Variants in ARHGAP15 observed in about 807,000 individuals in gnomAD.
The protein encoded by ARHGAP15 is Rho GTPase activating protein 15, also known as rho GTPase-activating protein 15.
Under a neutral mutation model 63.7 loss-of-function variants are expected in ARHGAP15, and 51 were observed. The observed-to-expected ratio is 0.80, with a 90% CI of 0.64 to 1.01. ARHGAP15 has a LOEUF of 1.01. Ranked by LOEUF, ARHGAP15 falls within the 50% of genes least tolerant of loss-of-function variation. The probability of loss-of-function intolerance (pLI) is 0.00; values close to 1 mark genes in which losing one functional copy is unlikely to be tolerated. For missense variants in ARHGAP15, 560 were observed against 564.6 expected (o/e 0.99, Z 0.08); for synonymous variants, 191 against 193.8 (o/e 0.99, Z 0.12).
intron 2 of ARHGAP15, among the ~76,000 whole-genome samples, chr2:143,156,369 A>G (rs2105011691): frequency 6.6e-6 from 1 of 151,976 alleles, no homozygotes; most frequent in East Asian, 2.0e-4. Flanking sequence ...GGATGTTACA[A>G]AATTATTTAT....
At chr2:143,130,094 T>G (rs1361374470) in intron 1 of ARHGAP15, among the ~76,000 whole-genome samples, 1 of 152,150 alleles carries the variant, frequency 6.6e-6, no homozygotes, top group Non-Finnish European at 1.5e-5. Flanking sequence ...AGCAAACTTT[T>G]ATATTTAAAA....
At chr2:143,184,343 G>T (rs1382188069) in intron 2 of ARHGAP15, among the ~76,000 whole-genome samples, 1 of 152,138 alleles carries the variant, frequency 6.6e-6, no homozygotes, top group Non-Finnish European at 1.5e-5. Context: ...CATCTAGCTA[G>T]CTTACTTAGG....
intron 10 of ARHGAP15, among the ~76,000 whole-genome samples, chr2:143,555,173 C>T (rs1412677291): frequency 6.6e-6 from 1 of 152,118 alleles, no homozygotes; most frequent in Non-Finnish European, 1.5e-5. Context: ...TCTACCCTAA[C>T]CTTCCAATGC....
chr2:143,481,984 C>A (rs1053877717), intron 8 of ARHGAP15, among the ~76,000 whole-genome samples: 4 of 152,152 alleles, frequency 2.6e-5, no homozygotes, highest in African/African-American at 9.7e-5. Context: ...ATTGAAAATT[C>A]TCAGTCTTTG....
intron 12 of ARHGAP15, among the ~76,000 whole-genome samples, chr2:143,675,682 T>C (rs1682790381): frequency 6.6e-6 from 1 of 152,284 alleles, no homozygotes; most frequent in South Asian, 2.1e-4. Context: ...GGCTTCAACA[T>C]TCTGTAAACC....
At chr2:143,474,085 T>C (rs1019637210) in intron 8 of ARHGAP15, among the ~76,000 whole-genome samples, 13 of 152,118 alleles carry the variant, frequency 8.5e-5, no homozygotes, top group Non-Finnish European at 1.6e-4. Flanking sequence ...CTGAAACACA[T>C]GGAAATTATA....
chr2:143,432,209 G>A (rs578043463), intron 6 of ARHGAP15, among the ~76,000 whole-genome samples: 1 of 151,964 alleles, frequency 6.6e-6, no homozygotes, highest in Admixed American at 6.6e-5. Flanking sequence ...AAAAGGTTTT[G>A]TTTATATTCT....
chr2:143,494,917 A>G (rs1692750679), intron 9 of ARHGAP15, among the ~76,000 whole-genome samples: 1 of 152,202 alleles, frequency 6.6e-6, no homozygotes, highest in Non-Finnish European at 1.5e-5. Flanking sequence ...TCCATTTTAC[A>G]ATTAAGAAAA....
intron 12 of ARHGAP15, among the ~76,000 whole-genome samples, chr2:143,658,306 G>A (rs1681564582): frequency 6.6e-6 from 1 of 152,178 alleles, no homozygotes; most frequent in African/African-American, 2.4e-5. Context: ...ACATGTATAG[G>A]CAGTAATGGA....
chr2:143,196,295 G>C (rs533138993), intron 2 of ARHGAP15, among the ~76,000 whole-genome samples: 18 of 152,042 alleles, frequency 1.2e-4, no homozygotes, highest in African/African-American at 3.4e-4. Context: ...CAAGTCAGAA[G>C]AATTTTATAT....
chr2:143,190,106 C>T (rs1691621607), intron 2 of ARHGAP15, among the ~76,000 whole-genome samples: 2 of 152,110 alleles, frequency 1.3e-5, no homozygotes, highest in African/African-American at 4.8e-5. Context: ...GCACTTGAAA[C>T]AGTATATTGC....
chr2:143,142,746 C>G lies in ARHGAP15; in HGVS notation c.-14-12731C>G, dbSNP rs370329083. On this transcript the variant is annotated intron_variant, in intron 1 of 13. Transcript: ENST00000295095. ...GCTCACACACACACAAAAACACACA[C>G]AAGAACCCCACCAGTAAGTGCACAA... is the stretch of plus-strand genomic sequence containing the variant. 2.9e-4 allele frequency among the ~76,000 whole-genome samples: 44 copies of G among 152,154 alleles called. 1 individual carries two copies. The South Asian group carries it at 6.6e-3, about 23-fold the overall frequency.
At chr2:143,434,711 A>G (rs1689532960) in intron 6 of ARHGAP15, among the ~76,000 whole-genome samples, 1 of 152,144 alleles carries the variant, frequency 6.6e-6, no homozygotes, top group African/African-American at 2.4e-5. Flanking sequence ...AAAGTCAATA[A>G]TACAAAGGGA....
intron 6 of ARHGAP15, among the ~76,000 whole-genome samples, chr2:143,320,410 C>CGCCCCCCCCCCG (rs1285295545): frequency 2.4e-3 from 45 of 19,020 alleles, no homozygotes; most frequent in African/African-American, 4.9e-3. Flanking sequence ...ACTTCCCCAC[C>CGCCCCCCCCCCG]CCCCCCCCCC....
intron 6 of ARHGAP15, among the ~76,000 whole-genome samples, chr2:143,429,848 A>G (rs7574623): frequency 0.41 from 62,588 of 151,858 alleles, 13,430 homozygotes; most frequent in East Asian, 0.8. Context: ...AAAGTATAAA[A>G]CATTTTTCTG....
chr2:143,711,085 A>T (rs996863584), intron 13 of ARHGAP15, among the ~76,000 whole-genome samples: 3 of 152,114 alleles, frequency 2.0e-5, no homozygotes, highest in Non-Finnish European at 4.4e-5. Flanking sequence ...ACACACATCT[A>T]TTTGTTTATG....
chr2:143,328,129 T>C (rs1056358028), intron 6 of ARHGAP15, among the ~76,000 whole-genome samples: 1 of 152,184 alleles, frequency 6.6e-6, no homozygotes, highest in African/African-American at 2.4e-5. Flanking sequence ...AAAGGAACAC[T>C]TTTACACTAT....
At position 143,163,658 on chromosome 2, in the gene ARHGAP15, A is replaced by G. The variant is rs77388831; in HGVS notation, c.165+8003A>G. On this transcript the variant is annotated intron_variant, in intron 2 of 13. Transcript: ENST00000295095. ...GACAGAATAAATAAGAGATCATTCTATTGCCAAGAATGTGGCAGAAAATAT... is the reference window on the plus strand; with the variant it reads ...GACAGAATAAATAAGAGATCATTCTGTTGCCAAGAATGTGGCAGAAAATAT... Among the ~76,000 whole-genome samples, 743 of 152,180 alleles carry G rather than the reference A, an allele frequency of 4.9e-3. 2 individuals carry two copies. The highest frequency in any genetic ancestry group is 0.017 in the African/African-American group (695 of 41,558).
chr2:143,712,099 T>C (rs1253628441), intron 13 of ARHGAP15, among the ~76,000 whole-genome samples: 1 of 152,106 alleles, frequency 6.6e-6, no homozygotes, highest in Non-Finnish European at 1.5e-5. Context: ...AGAATGCTGG[T>C]ATAGTAGTCC....
Sources: gnomAD v4.1 joint callset for allele counts (sites outside exome capture counted in the v4.1 genomes callset) on GRCh38, gnomAD v4.1.1 for gene constraint, MANE v1.5 for transcripts, NCBI Gene and HGNC (gene_info 2026-07-23, HGNC 2026-07-21) for gene names.